TESC: variants seen among roughly 807,000 people sequenced by gnomAD.
The protein encoded by TESC is calcineurin B homologous protein 3.
A neutral mutation model predicts 31.0 loss-of-function variants in TESC; 19 were observed. The ratio of observed to expected loss-of-function variants is 0.61; its 90% CI spans 0.43 to 0.90. The LOEUF (loss-of-function observed/expected upper bound fraction) is 0.90, where lower values mean the gene tolerates loss of function less well. TESC is among the 40% of genes least tolerant of loss of function. The pLI is 0.00. For synonymous variants in TESC, 109 were observed against 114.8 expected, an observed-to-expected ratio of 0.95 and a Z score of 0.32; for missense variants, 248 against 303.8, an observed-to-expected ratio of 0.82 and a Z score of 1.36.
chr12:117,044,515 G>A (rs929320387), intron 6 of TESC, among the ~76,000 whole-genome samples: 34 of 152,206 alleles, frequency 2.2e-4, no homozygotes, highest in African/African-American at 7.7e-4. Context: ...GGAGGGCGGG[G>A]AGTTGGGGGA....
chr12:117,093,928 G>C (rs1955353782), intron 1 of TESC, among the ~76,000 whole-genome samples: 1 of 152,070 alleles, frequency 6.6e-6, no homozygotes. Context: ...TCCAACTCCA[G>C]GAGCAGACAC....
chr12:117,062,193 T>C (rs1593004639), intron 2 of TESC, among the ~76,000 whole-genome samples: 1 of 152,156 alleles, frequency 6.6e-6, no homozygotes, highest in South Asian at 2.1e-4. Flanking sequence ...AACAACCCTA[T>C]AAAGTAGGTA....
chr12:117,064,410 G>A (rs148623544), intron 2 of TESC, among the ~76,000 whole-genome samples: 6 of 152,258 alleles, frequency 3.9e-5, no homozygotes, highest in Admixed American at 6.5e-5. Flanking sequence ...GGACAACGTC[G>A]CCAAGACCAC....
intron 1 of TESC, among the ~76,000 whole-genome samples, chr12:117,081,905 CAAAAAGAAAA>C (rs1342902088): frequency 3.4e-5 from 5 of 149,068 alleles, no homozygotes; most frequent in African/African-American, 5.0e-5. Context: ...AACTCTGTCT[CAAAAAGAAAA>C]AAAAAGAAAA....
At chr12:117,086,020 G>A (rs1320983983) in intron 1 of TESC, among the ~76,000 whole-genome samples, 2 of 152,186 alleles carry the variant, frequency 1.3e-5, no homozygotes, top group Middle Eastern at 3.4e-3. Flanking sequence ...CTCCAAGAAG[G>A]GATAACACTA....
chr12:117,095,120 G>A (rs540008309), intron 1 of TESC, among the ~76,000 whole-genome samples: 218 of 152,014 alleles, frequency 1.4e-3, no homozygotes, highest in African/African-American at 4.7e-3. Context: ...TGTCGCCCAG[G>A]CTGGAGTACA....
chr12:117,086,946 T>A (rs1955226438), intron 1 of TESC, among the ~76,000 whole-genome samples: 1 of 152,188 alleles, frequency 6.6e-6, no homozygotes, highest in South Asian at 2.1e-4. Flanking sequence ...GCAACTTGCA[T>A]GCCTCCTGCG....
At chr12:117,074,063 A>G (rs1200531562) in intron 2 of TESC, among the ~76,000 whole-genome samples, 1 of 152,146 alleles carries the variant, frequency 6.6e-6, no homozygotes, top group Non-Finnish European at 1.5e-5. Flanking sequence ...CATCTCTACA[A>G]AAACTTTAAA....
chr12:117,064,163 C>T (rs1034378827), intron 2 of TESC, among the ~76,000 whole-genome samples: 2 of 152,166 alleles, frequency 1.3e-5, no homozygotes, highest in African/African-American at 4.8e-5. Context: ...GTGATCCTCC[C>T]GCCTTGGCCT....
At chr12:117,068,528 CAA>C (rs1008470911) in intron 2 of TESC, among the ~76,000 whole-genome samples, 1 of 151,900 alleles carries the variant, frequency 6.6e-6, no homozygotes, top group Non-Finnish European at 1.5e-5. Context: ...GACTCTGTCT[CAA>C]AGAGAAAAAC....
At chr12:117,045,778 C>T (rs1014612462) in intron 6 of TESC, among the ~76,000 whole-genome samples, 4 of 152,198 alleles carry the variant, frequency 2.6e-5, no homozygotes, top group African/African-American at 9.7e-5. Context: ...CACACAGGGG[C>T]AAAGGGCTGA....
chr12:117,096,869 C>T lies in TESC; in HGVS notation c.58+2356G>A, dbSNP rs754534378. ...AGGGCCTCTGCATTCGACGTCCCCT[C>T]GGCCCGAGATGCCCTTTCCACTGAT... On this transcript the variant is annotated intron_variant, in intron 1 of 7. Coordinates refer to ENST00000335209, the MANE Select transcript of TESC (RefSeq NM_017899.4). Among the ~76,000 whole-genome samples, 8 of 152,192 alleles carry T rather than the reference C, an allele frequency of 5.3e-5. No individual in the cohort carries two copies. In the East Asian group the frequency reaches 1.4e-3, roughly 26 times the overall value.
intron 1 of TESC, among the ~76,000 whole-genome samples, chr12:117,089,320 AC>A (rs1432429742): frequency 2.6e-5 from 4 of 152,234 alleles, no homozygotes; most frequent in South Asian, 4.1e-4. Context: ...CTCTTCTAAA[AC>A]CCAGGGCACA....
intron 2 of TESC, 67 bp downstream of exon 2, chr12:117,075,204 A>C: frequency 6.6e-7 from 1 of 1,519,386 alleles, no homozygotes; most frequent in Non-Finnish European, 9.0e-7. Context: ...ACTCAAGAAA[A>C]GAAACAGGAC....
intron 7 of TESC, 81 bp downstream of exon 7, chr12:117,041,866 A>T: frequency 7.1e-7 from 1 of 1,408,460 alleles, no homozygotes. Context: ...ACTGCAGGTA[A>T]AGAGCCATGT....
At chr12:117,063,025 G>A (rs1393013526) in intron 2 of TESC, among the ~76,000 whole-genome samples, 2 of 152,186 alleles carry the variant, frequency 1.3e-5, no homozygotes, top group Admixed American at 6.5e-5. Flanking sequence ...TTGAGCCCTC[G>A]GGGCTTCAGA....
intron 3 of TESC, among the ~76,000 whole-genome samples, chr12:117,051,522 A>G (rs1954647659): frequency 6.6e-6 from 1 of 152,174 alleles, no homozygotes; most frequent in African/African-American, 2.4e-5. Flanking sequence ...ACAGGCTTTA[A>G]TAACCTCAAA....
chr12:117,057,272 A>T (rs1318860060), intron 2 of TESC, among the ~76,000 whole-genome samples: 1 of 151,860 alleles, frequency 6.6e-6, no homozygotes. Context: ...CTAATTTTTT[A>T]AATTTTTTGT....
rs1277518438 is a variant in TESC, at chr12:117,080,637, G to A, written c.59-5297C>T. 2.0e-5 allele frequency among the ~76,000 whole-genome samples: 3 copies of A among 152,182 alleles called. No individual in the cohort carries two copies. The East Asian group carries it at 5.8e-4, about 29-fold the overall frequency. On this transcript the variant is annotated intron_variant, in intron 1 of 7. Transcript: ENST00000335209. ...AAGACTCCTCTGGCACAGTAACTGA[G>A]AGAAAGGATGATTTCCGAAGCCTCA...
Sources: allele counts gnomAD v4.1 joint callset (sites outside exome capture counted in the v4.1 genomes callset), GRCh38; gene constraint gnomAD v4.1.1; transcripts MANE v1.5; gene names NCBI Gene and HGNC (gene_info 2026-07-23, HGNC 2026-07-21).